The following TAOK1 variants were observed in gnomAD, a reference collection of about 807,000 sequenced individuals.
TAOK1 encodes the protein serine/threonine-protein kinase TAO1.
Under a neutral mutation model 138.3 loss-of-function variants are expected in TAOK1, and 21 were observed. The ratio of observed to expected loss-of-function variants is 0.15; its 90% confidence interval spans 0.11 to 0.22. The LOEUF (loss-of-function observed/expected upper bound fraction) is 0.22, where lower values mean the gene tolerates loss of function less well. TAOK1 is among the 10% of genes least tolerant of loss of function. TAOK1 has a pLI of 1.00. For missense variants in TAOK1, 651 were observed against 1,227.7 expected (o/e 0.53, Z 7.02); for synonymous variants, 361 against 398.4 (o/e 0.91, Z 1.12).
rs2032500888 is a variant in TAOK1, at chr17:29,551,810, G to T, written c.*8788G>T. On this transcript the variant is annotated 3_prime_UTR_variant, in exon 20 of 20. Transcript: ENST00000261716. ...GTCAGAACATAAGAGCGAAAACAAG[G>T]TCATATGTAATATTTTGTTTGTAAG... The T allele has an allele frequency of 6.6e-6, 1 of 152,534 alleles. No individual in the cohort carries two copies. The highest frequency in any genetic ancestry group is 2.4e-5 in the African/African-American group (1 of 41,402). 9.4% of individuals were successfully genotyped at this position (152,534 alleles called of 1,614,324 possible).
chr17:29,419,303 T>C (rs1905355752), intron 1 of TAOK1, among the ~76,000 whole-genome samples: 1 of 152,040 alleles, frequency 6.6e-6, no homozygotes, highest in Non-Finnish European at 1.5e-5. Context: ...TTCAAGCGAT[T>C]CTCCTGCCTC....
intron 7 of TAOK1, among the ~76,000 whole-genome samples, chr17:29,481,175 A>G (rs762536628): frequency 6.6e-6 from 1 of 151,380 alleles, no homozygotes; most frequent in South Asian, 2.1e-4. Flanking sequence ...GTAAAATTCA[A>G]TCTTTTAAGC....
intron 1 of TAOK1, among the ~76,000 whole-genome samples, chr17:29,395,618 T>G (rs1186357064): frequency 6.6e-6 from 1 of 150,876 alleles, no homozygotes; most frequent in Non-Finnish European, 1.5e-5. Context: ...AGTACCAACA[T>G]ATGCTCACCT....
chr17:29,479,878 A>G (rs745684479), intron 6 of TAOK1, among the ~76,000 whole-genome samples: 3 of 152,086 alleles, frequency 2.0e-5, no homozygotes, highest in Non-Finnish European at 2.9e-5. Context: ...ATTTAGGAAA[A>G]CTATGCTGAC....
rs2150783908 is a variant in TAOK1 at position 29,551,176 on chromosome 17, T to C, written c.*8154T>C. On this transcript the variant is annotated 3_prime_UTR_variant, in exon 20 of 20. Coordinates refer to ENST00000261716, the MANE Select transcript of TAOK1 (RefSeq NM_020791.4). Reference sequence around the variant, plus strand: ...TCTGTTATCCACAATGTATTTTAGTTATTCCCACAAGTCAGGGGTCCAGAT... The same window carrying C: ...TCTGTTATCCACAATGTATTTTAGTCATTCCCACAAGTCAGGGGTCCAGAT... The C allele has an allele frequency of 6.6e-6, 1 of 152,340 alleles. No individual in the cohort carries two copies. The highest frequency in any genetic ancestry group is 1.9e-4 in the East Asian group (1 of 5,188). The allele number at this position is 152,340 out of a possible 1,614,324, so 9.4% of individuals were successfully genotyped here. A position where few individuals can be genotyped will look rare whatever the true frequency, so the allele number is the denominator to read the frequency against.
At chr17:29,421,037 C>T (rs934647462) in intron 1 of TAOK1, among the ~76,000 whole-genome samples, 1 of 152,116 alleles carries the variant, frequency 6.6e-6, no homozygotes, top group Non-Finnish European at 1.5e-5. Flanking sequence ...TCAAGTGATT[C>T]TTCTGCCTCA....
chr17:29,423,282 C>T (rs1463268906), intron 1 of TAOK1, among the ~76,000 whole-genome samples: 26 of 148,498 alleles, frequency 1.8e-4, no homozygotes, highest in African/African-American at 5.5e-4. Context: ...TGCAGTGGCG[C>T]GATCTTGGCT....
At chr17:29,428,884 C>T (rs1250732551) in intron 1 of TAOK1, among the ~76,000 whole-genome samples, 1 of 151,888 alleles carries the variant, frequency 6.6e-6, no homozygotes, top group South Asian at 2.1e-4. Flanking sequence ...CCTCTGCCCT[C>T]GACCTCCCAG....
At chr17:29,434,530 G>A (rs1905964262) in intron 1 of TAOK1, among the ~76,000 whole-genome samples, 1 of 151,750 alleles carries the variant, frequency 6.6e-6, no homozygotes, top group Non-Finnish European at 1.5e-5. Context: ...TTGCATCCCC[G>A]AGTTCTGGCG....
chr17:29,437,975 G>A (rs1180408857), intron 1 of TAOK1, among the ~76,000 whole-genome samples: 3 of 151,976 alleles, frequency 2.0e-5, no homozygotes, highest in Non-Finnish European at 2.9e-5. Flanking sequence ...CTTGTGATTC[G>A]CCCGCCTTAG....
chr17:29,452,814 T>G (rs372627968), intron 2 of TAOK1, among the ~76,000 whole-genome samples: 1 of 152,260 alleles, frequency 6.6e-6, no homozygotes, highest in East Asian at 1.9e-4. Flanking sequence ...CTGTGAGAAC[T>G]TCATTCTTCT....
rs939968580 is a variant in TAOK1, at chr17:29,548,189, C to T, written c.*5167C>T. 1.3e-5 allele frequency: 2 copies of T among 152,090 alleles called. No homozygotes were observed. Among genetic ancestry groups the T allele is most frequent in the African/African-American group, 4.8e-5 (2 of 41,424 alleles). 9.4% of individuals were successfully genotyped at this position (152,090 alleles called of 1,614,324 possible). ...ATACAAGGGAAGAGACTCCATTTAGCTTAACGGTAGTCTTTAGATCATAAG... is the reference window on the plus strand; with the variant it reads ...ATACAAGGGAAGAGACTCCATTTAGTTTAACGGTAGTCTTTAGATCATAAG... On this transcript the variant is annotated 3_prime_UTR_variant, in exon 20 of 20. Coordinates refer to ENST00000261716, the MANE Select transcript of TAOK1 (RefSeq NM_020791.4).
At chr17:29,409,337 T>TA (rs1567710207) in intron 1 of TAOK1, among the ~76,000 whole-genome samples, 3 of 113,190 alleles carry the variant, frequency 2.7e-5, no homozygotes, top group Admixed American at 8.4e-5. Context: ...ATATATATTT[T>TA]TTTTTTTTTT....
intron 1 of TAOK1, among the ~76,000 whole-genome samples, chr17:29,398,469 G>T (rs554783095): frequency 3.3e-5 from 5 of 151,908 alleles, no homozygotes; most frequent in African/African-American, 7.3e-5. Context: ...GCCTCCCAAA[G>T]TGTTGGGATT....
At chr17:29,431,870 G>A (rs1365973987) in intron 1 of TAOK1, among the ~76,000 whole-genome samples, 1 of 148,478 alleles carries the variant, frequency 6.7e-6, no homozygotes, top group Non-Finnish European at 1.5e-5. Context: ...GCAGTGGTGC[G>A]ATCTCGGCTC....
intron 18 of TAOK1, among the ~76,000 whole-genome samples, chr17:29,531,790 AC>A (rs2032115907): frequency 8.0e-6 from 1 of 124,446 alleles, no homozygotes; most frequent in Admixed American, 8.2e-5. Flanking sequence ...GCCAGATAAG[AC>A]TTTTTAGGCA....
At chr17:29,425,758 C>A (rs1486710938) in intron 1 of TAOK1, among the ~76,000 whole-genome samples, 2 of 152,142 alleles carry the variant, frequency 1.3e-5, no homozygotes, top group Non-Finnish European at 2.9e-5. Context: ...AAATATCATT[C>A]TTGTAATCTA....
chr17:29,521,525 A>G (rs549845456), intron 16 of TAOK1, among the ~76,000 whole-genome samples: 13 of 152,344 alleles, frequency 8.5e-5, no homozygotes, highest in Admixed American at 1.3e-4. Flanking sequence ...TGAAGGTCTC[A>G]CTGCTCACAA....
intron 8 of TAOK1, among the ~76,000 whole-genome samples, chr17:29,484,285 A>G (rs1174186201): frequency 1.3e-5 from 2 of 152,228 alleles, no homozygotes; most frequent in African/African-American, 2.4e-5. Flanking sequence ...TTCATTTGGT[A>G]TCTTCACTTT....
Sources: allele counts gnomAD v4.1 joint callset (sites outside exome capture counted in the v4.1 genomes callset), GRCh38; gene constraint gnomAD v4.1.1; transcripts MANE v1.5; gene names NCBI Gene and HGNC (gene_info 2026-07-23, HGNC 2026-07-21).